Variants in RBM22 observed in about 807,000 individuals in gnomAD.
The protein encoded by RBM22 is RNA binding motif protein 22, also known as pre-mRNA-splicing factor RBM22.
In RBM22, 1 loss-of-function variant was observed where a neutral mutation model predicts 50.1. The ratio of observed to expected loss-of-function variants is 0.02; its 90% CI spans 0.01 to 0.09. The LOEUF (loss-of-function observed/expected upper bound fraction) is 0.09. Ranked by LOEUF, RBM22 falls within the 10% of genes least tolerant of loss-of-function variation. The pLI, the probability that RBM22 is intolerant of heterozygous loss-of-function variation, is 1.00. For missense variants in RBM22, 264 were observed against 529.3 expected (o/e 0.50, Z 4.92); for synonymous variants, 152 against 179.0 (o/e 0.85, Z 1.20).
intron 2 of RBM22, among the ~76,000 whole-genome samples, chr5:150,699,875 A>G (rs1251566213): frequency 6.6e-6 from 1 of 152,242 alleles, no homozygotes; most frequent in Non-Finnish European, 1.5e-5. Flanking sequence ...TTTAAACAGA[A>G]CTATTCAAAC....
chr5:150,693,252 T>C lies in RBM22; in HGVS notation c.967A>G (p.Ile323Val). Residue 323 changes from isoleucine to valine, a missense_variant, in exon 9 of 11, where the codon ATC becomes GTC. By Grantham distance (29) the Ile-to-Val change is conservative. Around this residue, in one of 7 missense-constraint regions of RBM22, gnomAD observed 106 missense variants for 137.1 expected, o/e 0.77. Coordinates refer to ENST00000199814, the MANE Select transcript of RBM22 (RefSeq NM_018047.3). ...KEKDGTTDSG[I>V]KLEPVPGLPG... ...AATCCTGGAACAGGTTCTAGTTTGA[T>C]CCCAGAGTCTGTAGTTCCATCTTTC... 6.2e-7 allele frequency: 1 copy of C among 1,614,114 alleles called. No homozygotes were observed. Among genetic ancestry groups the C allele is most frequent in the Non-Finnish European group, 8.5e-7 (1 of 1,179,982 alleles).
rs1400151899 is a variant in RBM22 at position 150,696,263 on chromosome 5, T to A, written c.545+270A>T. ...ATTGAGAGTCAACTCATTTAAACCA[T>A]GGCAGTGAAGATTTACTTCTCAGGC... On this transcript the variant is annotated intron_variant, in intron 6 of 10. Coordinates refer to ENST00000199814, the MANE Select transcript of RBM22 (RefSeq NM_018047.3). This position sits in a 1 kb window ranked among gnomAD's most constrained non-coding sequence, Gnocchi z 4.3. Among the ~76,000 whole-genome samples, 1 of 152,090 alleles carries A rather than the reference T, an allele frequency of 6.6e-6. No individual in the cohort carries two copies.
At chr5:150,693,966 A>G (rs560292511) in intron 8 of RBM22, 110 bp downstream of exon 8, 3 of 1,342,744 alleles carry the variant, frequency 2.2e-6, no homozygotes, top group South Asian at 1.4e-5. Flanking sequence ...ATCTCTTTAA[A>G]GATCCTGTTC....
At chr5:150,700,548 AC>A (rs764231425) in intron 1 of RBM22, 51 bp from the exon 2 acceptor site, 1 of 1,612,720 alleles carries the variant, frequency 6.2e-7, no homozygotes, top group Non-Finnish European at 8.5e-7. Flanking sequence ...AGACCCTGAC[AC>A]CTCAGTGACA....
In RBM22 at chr5:150,692,993, G is replaced by C. The variant is rs201485332; in HGVS notation, c.1034C>G (p.Ala345Gly). ...LPPPPAAEEEASANYFNLPPS... is the reference protein window; with the variant it reads ...LPPPPAAEEEGSANYFNLPPS... Reference sequence around the variant, plus strand: ...GGGCAAGTTGAAGTAGTTGGCAGAGGCTTCTTCTTCTGCTGCAGGAGGAGG... The same window carrying C: ...GGGCAAGTTGAAGTAGTTGGCAGAGCCTTCTTCTTCTGCTGCAGGAGGAGG... The change falls in exon 10 of 11, where the codon GCC (alanine) becomes GGC (glycine). Residue 345 changes from alanine (A) to glycine (G), a missense_variant. Transcript: ENST00000199814. 4.5e-5 allele frequency: 73 copies of C among 1,612,442 alleles called. No homozygotes were observed. The South Asian group carries it at 7.5e-4, about 17-fold the overall frequency.
rs1331836632 is a variant in RBM22 at position 150,701,013 on chromosome 5, C to T, written c.-28G>A. 3 of 1,614,110 alleles carry T rather than the reference C, an allele frequency of 1.9e-6. No homozygotes were observed. The highest frequency in any genetic ancestry group is 2.2e-5 in the South Asian group (2 of 91,088). ...TGAGAGCGTCCGGAGGTAGCTGTAG[C>T]TTCCGAATTGGGAGAGAGGACCGCC... On this transcript the variant is annotated 5_prime_UTR_variant, in exon 1 of 11. Transcript: ENST00000199814.
intron 3 of RBM22, 152 bp downstream of exon 3, chr5:150,699,090 G>T: frequency 8.9e-7 from 1 of 1,124,972 alleles, no homozygotes; most frequent in South Asian, 1.6e-5. Flanking sequence ...CACATAAACA[G>T]TTGCCAGCCA....
intron 4 of RBM22, 118 bp downstream of exon 4, chr5:150,698,381 G>T: frequency 7.6e-7 from 1 of 1,316,482 alleles, no homozygotes; most frequent in Non-Finnish European, 1.1e-6. Context: ...GCAGACCACG[G>T]CAGACATTCC....
Position 150,698,055 on chromosome 5 carries a change from G to A in RBM22, c.271+444C>T, listed in dbSNP as rs111556624. ...GAGGATCCCTTGAGCCCAGGAGTTC[G>A]AAGTTGCAGTGAGCTGTGATCACAC... On this transcript the variant is annotated intron_variant, in intron 4 of 10. Transcript: ENST00000199814. Among the ~76,000 whole-genome samples, 171 of 152,226 alleles carry A rather than the reference G, an allele frequency of 1.1e-3. 1 individual carries two copies. The highest frequency in any genetic ancestry group is 3.9e-3 in the African/African-American group (163 of 41,528).
intron 4 of RBM22, chr5:150,697,628 G>A (rs78782573): frequency 0.048 from 9,460 of 197,220 alleles, 290 homozygotes; most frequent in East Asian, 0.097. Context: ...AGGACCAGAC[G>A]CCTCCTTAAC....
chr5:150,693,354 T>C, intron 8 of RBM22, 47 bp from the exon 9 acceptor site: 1 of 1,444,332 alleles, frequency 6.9e-7, no homozygotes, highest in South Asian at 1.2e-5. Flanking sequence ...CCACCTTATC[T>C]CACACCTCTG....
Position 150,700,999 on chromosome 5 carries a change from G to T in RBM22, c.-14C>A. 6.2e-7 allele frequency: 1 copy of T among 1,614,202 alleles called. No individual in the cohort carries two copies. Among genetic ancestry groups the T allele is most frequent in the South Asian group, 1.1e-5 (1 of 91,084 alleles). The stretch of plus-strand genomic sequence containing the variant: ...AGAGGTCGCCATCTTGAGAGCGTCC[G>T]GAGGTAGCTGTAGCTTCCGAATTGG... On this transcript the variant is annotated 5_prime_UTR_variant, in exon 1 of 11. Transcript: ENST00000199814.
rs764741412 is a variant in RBM22, at chr5:150,691,765, G to A, written c.1249C>T (p.His417Tyr). 4.4e-6 allele frequency: 7 copies of A among 1,594,240 alleles called. No homozygotes were observed. Among genetic ancestry groups the A allele is most frequent in the Non-Finnish European group, 6.0e-6 (7 of 1,170,224 alleles). The change falls in exon 11 of 11, where the codon CAC becomes TAC. Residue 417 changes from histidine to tyrosine, a missense_variant. By Grantham distance (83) the His-to-Tyr change is moderately conservative. Around this residue, in one of 7 missense-constraint regions of RBM22, gnomAD observed 106 missense variants for 137.1 expected, o/e 0.77. Transcript: ENST00000199814. ...PQRMGAHAGK[H>Y]SSP ...GTGACAAGGTGCTAGGGGCTGCTGTGTTTTCCAGCATGAGCTCCCATCCTC... is the reference window on the plus strand; with the variant it reads ...GTGACAAGGTGCTAGGGGCTGCTGTATTTTCCAGCATGAGCTCCCATCCTC...
chr5:150,693,451 A>G (rs1370603722), intron 8 of RBM22, 144 bp from the exon 9 acceptor site: 1 of 652,838 alleles, frequency 1.5e-6, no homozygotes, highest in Non-Finnish European at 2.6e-6. Context: ...CACTGTGCAC[A>G]GTGAACAAGA....
chr5:150,698,903 A>C (rs1012964619), intron 3 of RBM22, among the ~76,000 whole-genome samples: 10 of 152,154 alleles, frequency 6.6e-5, no homozygotes, highest in African/African-American at 4.8e-5. Context: ...AATCTTTTTT[A>C]GGGGGAGTGG....
At position 150,696,836 on chromosome 5, in the gene RBM22, C is replaced by T. The variant is rs150337870; in HGVS notation, c.327G>A (p.Lys109=). The T allele has an allele frequency of 1.8e-4, 287 of 1,614,186 alleles. No individual in the cohort carries two copies. In the African/African-American group the frequency reaches 3.3e-3, roughly 18 times the overall value. Residue 109 remains lysine, a synonymous_variant, in exon 5 of 11, where the codon AAG becomes AAA. Coordinates refer to ENST00000199814, the MANE Select transcript of RBM22 (RefSeq NM_018047.3). The surrounding 1 kb of genome is among the most constrained non-coding windows in gnomAD (Gnocchi z 4.3). ...TATAGTACTCTTTGTTGACATCTGA[C>T]TTTGGCATGTCATCTTTAAAAGACA... ...AGLSFKDDMP[K]SDVNKEYYTQ... is the part of the protein sequence containing the mutation.
rs1759211457 is a variant in RBM22, at chr5:150,691,733, C to T, written c.*18G>A. 2 of 1,530,532 alleles carry T rather than the reference C, an allele frequency of 1.3e-6. No homozygotes were observed. Among genetic ancestry groups the T allele is most frequent in the Admixed American group, 2.1e-5 (1 of 47,520 alleles). The allele number at this position is 1,530,532 out of a possible 1,614,324, so 94.8% of individuals were successfully genotyped here. A position where few individuals can be genotyped will look rare whatever the true frequency, so the allele number is the denominator to read the frequency against. On this transcript the variant is annotated 3_prime_UTR_variant, in exon 11 of 11. Coordinates refer to ENST00000199814, the MANE Select transcript of RBM22 (RefSeq NM_018047.3). ...AAGTGCCCTTTCTTCCACAGAGCCC[C>T]AGAGTGGTGACAAGGTGCTAGGGGC...
chr5:150,694,511 A>G (rs1759249129), intron 7 of RBM22: 1 of 385,496 alleles, frequency 2.6e-6, no homozygotes, highest in Non-Finnish European at 4.4e-6. Flanking sequence ...TAGGTTCTTT[A>G]AAGACCCTAA....
rs11406 is a variant in RBM22 at position 150,691,467 on chromosome 5, A to C, written c.*284T>G. Reference sequence around the variant, plus strand: ...GAGGGTAACTCTGCTGGACATTCCAATTCACTCATCTGCGTGTCCCCCACA... The same window carrying C: ...GAGGGTAACTCTGCTGGACATTCCACTTCACTCATCTGCGTGTCCCCCACA... On this transcript the variant is annotated 3_prime_UTR_variant, in exon 11 of 11. Coordinates refer to ENST00000199814, the MANE Select transcript of RBM22 (RefSeq NM_018047.3). The C allele has an allele frequency of 1.8e-4, 45 of 255,118 alleles. No individual in the cohort carries two copies. Among genetic ancestry groups the C allele is most frequent in the African/African-American group, 9.7e-4 (44 of 45,298 alleles). 15.8% of individuals were successfully genotyped at this position (255,118 alleles called of 1,614,324 possible).
Sources: gnomAD v4.1 joint callset for allele counts (sites outside exome capture counted in the v4.1 genomes callset) on GRCh38, gnomAD v4.1.1 for gene constraint, gnomAD v4.1.1 regional missense constraint, Gnocchi (gnomAD v3.1) non-coding constraint, MANE v1.5 for transcripts, NCBI Gene and HGNC (gene_info 2026-07-23, HGNC 2026-07-21) for gene names.